Variants in FOXN3 observed in about 807,000 individuals in gnomAD.
FOXN3 encodes forkhead box protein N3.
Under a neutral mutation model 38.4 loss-of-function variants are expected in FOXN3, and 7 were observed. The ratio of observed to expected loss-of-function variants is 0.18; its 90% CI spans 0.10 to 0.34. FOXN3 has a LOEUF of 0.34. FOXN3 is among the 10% of genes least tolerant of loss of function. FOXN3 has a pLI of 1.00. For missense variants in FOXN3, 456 were observed against 613.4 expected (o/e 0.74, Z 2.71); for synonymous variants, 230 against 242.2 (o/e 0.95, Z 0.47).
chr14:89,336,137 T>TACACACACACAC lies in FOXN3; in HGVS notation c.680+14523_680+14534dup, dbSNP rs34950734. ...TTTTGTCTAAAACAGAAGTGATCCTTACACACACACACACACACACACACA... is the reference window on the plus strand; with the variant it reads ...TTTTGTCTAAAACAGAAGTGATCCTTACACACACACACACACACACACACACACACACACACA... On this transcript the variant is annotated intron_variant, in intron 3 of 5. Coordinates refer to ENST00000557258, the MANE Select transcript of FOXN3 (RefSeq NM_005197.4). 6.6e-3 allele frequency among the ~76,000 whole-genome samples: 930 copies of TACACACACACAC among 140,108 alleles called. 7 individuals carry two copies. Among genetic ancestry groups the TACACACACACAC allele is most frequent in the African/African-American group, 0.023 (868 of 38,020 alleles). 91.9% of individuals were successfully genotyped at this position (140,108 alleles called of 152,430 possible). A position where few individuals can be genotyped will look rare whatever the true frequency, so the allele number is the denominator to read the frequency against.
intron 4 of FOXN3, among the ~76,000 whole-genome samples, chr14:89,252,122 G>A (rs1211587722): frequency 6.6e-6 from 1 of 152,138 alleles, no homozygotes; most frequent in East Asian, 1.9e-4. Context: ...ACAAAGTAGT[G>A]ATTCTTATGC....
At chr14:89,505,272 T>C (rs3057955) in intron 1 of FOXN3, among the ~76,000 whole-genome samples, 11 of 136,602 alleles carry the variant, frequency 8.1e-5, no homozygotes, top group African/African-American at 1.7e-4. Context: ...CTCCCTCTCC[T>C]TCTCCCTCCC....
intron 1 of FOXN3, among the ~76,000 whole-genome samples, chr14:89,586,485 C>T (rs931434313): frequency 7.2e-5 from 11 of 152,224 alleles, no homozygotes; most frequent in African/African-American, 2.4e-4. Flanking sequence ...GTGTGAGGTT[C>T]GTGAAGATGT....
chr14:89,256,500 T>C (rs1430564597), intron 4 of FOXN3, among the ~76,000 whole-genome samples: 1 of 152,168 alleles, frequency 6.6e-6, no homozygotes, highest in Non-Finnish European at 1.5e-5. Flanking sequence ...ATATGATTTA[T>C]GAAGATGTTT....
intron 1 of FOXN3, among the ~76,000 whole-genome samples, chr14:89,454,977 T>C (rs775225250): frequency 2.6e-5 from 4 of 152,146 alleles, no homozygotes; most frequent in South Asian, 2.1e-4. Context: ...AGTAATTCCA[T>C]TGGATAAATG....
intron 1 of FOXN3, among the ~76,000 whole-genome samples, chr14:89,424,566 A>C (rs1340347449): frequency 6.6e-6 from 1 of 152,120 alleles, no homozygotes; most frequent in East Asian, 1.9e-4. Flanking sequence ...AAGAGTTCAA[A>C]ATACTCTTGA....
chr14:89,167,398 G>A (rs1294895030), intron 5 of FOXN3, among the ~76,000 whole-genome samples: 2 of 152,174 alleles, frequency 1.3e-5, no homozygotes, highest in Non-Finnish European at 2.9e-5. Context: ...GAGTCTCTCT[G>A]GAACTAATGG....
chr14:89,248,195 A>G (rs1335663839), intron 4 of FOXN3, among the ~76,000 whole-genome samples: 2 of 152,100 alleles, frequency 1.3e-5, no homozygotes, highest in Non-Finnish European at 2.9e-5. Context: ...TTCCCACTAC[A>G]CTATAAAATG....
At chr14:89,552,427 G>C (rs1275835652) in intron 1 of FOXN3, among the ~76,000 whole-genome samples, 1 of 152,210 alleles carries the variant, frequency 6.6e-6, no homozygotes, top group Non-Finnish European at 1.5e-5. Context: ...AATGATTTTA[G>C]TTCGCAATAG....
chr14:89,401,634 T>C (rs12147030), intron 2 of FOXN3: 436,677 of 455,836 alleles, frequency 0.96, 209,890 homozygotes, highest in East Asian at 1. Context: ...CCCTCTACTA[T>C]AGCCACGATT....
At chr14:89,437,361 C>T (rs894640889) in intron 1 of FOXN3, among the ~76,000 whole-genome samples, 1 of 152,128 alleles carries the variant, frequency 6.6e-6, no homozygotes, top group Non-Finnish European at 1.5e-5. Context: ...AGCTCTCTGA[C>T]CTTAACCTGA....
At chr14:89,424,338 C>T (rs1462350326) in intron 1 of FOXN3, among the ~76,000 whole-genome samples, 1 of 152,144 alleles carries the variant, frequency 6.6e-6, no homozygotes, top group African/African-American at 2.4e-5. Flanking sequence ...CAAAGCGCTT[C>T]ACAAAATTAA....
chr14:89,402,179 C>T (rs1050528938), intron 2 of FOXN3, among the ~76,000 whole-genome samples: 54 of 152,224 alleles, frequency 3.5e-4, no homozygotes, highest in African/African-American at 1.3e-3. Flanking sequence ...CTCAATCAAG[C>T]TACCGCTTTT....
rs1006353331 is a variant in FOXN3 at position 89,214,743 on chromosome 14, G to T, written c.746-33937C>A. 2.6e-4 allele frequency among the ~76,000 whole-genome samples: 39 copies of T among 152,162 alleles called. 1 individual carries two copies. On this transcript the variant is annotated intron_variant, in intron 4 of 5. Coordinates refer to ENST00000557258, the MANE Select transcript of FOXN3 (RefSeq NM_005197.4). ...CATATTTTCTGCACTTTGTCAGACT[G>T]TTTTTTTCTCAGCCCAGTGGGGACC... is the stretch of plus-strand genomic sequence containing the variant.
chr14:89,394,774 C>G (rs902373376), intron 2 of FOXN3, among the ~76,000 whole-genome samples: 2 of 152,192 alleles, frequency 1.3e-5, no homozygotes, highest in Non-Finnish European at 2.9e-5. Context: ...GTCCCATTAG[C>G]ATTGGGGAAA....
chr14:89,435,721 T>C (rs944227519), intron 1 of FOXN3, among the ~76,000 whole-genome samples: 3 of 152,228 alleles, frequency 2.0e-5, no homozygotes, highest in African/African-American at 7.2e-5. Context: ...CACAGGGATC[T>C]GATTCCACTG....
At chr14:89,187,680 G>A (rs999105086) in intron 4 of FOXN3, among the ~76,000 whole-genome samples, 9 of 152,206 alleles carry the variant, frequency 5.9e-5, no homozygotes, top group African/African-American at 2.2e-4. Flanking sequence ...GAAAGGTGGC[G>A]GGGGTAGGGG....
intron 1 of FOXN3, among the ~76,000 whole-genome samples, chr14:89,446,190 T>C (rs1463355704): frequency 6.4e-5 from 5 of 78,404 alleles, no homozygotes; most frequent in Non-Finnish European, 1.1e-4. Context: ...TTTTTTTTTT[T>C]TTTTTCTTTT....
intron 1 of FOXN3, among the ~76,000 whole-genome samples, chr14:89,509,649 A>G (rs959179101): frequency 3.3e-5 from 5 of 152,126 alleles, no homozygotes; most frequent in African/African-American, 9.7e-5. Flanking sequence ...CCATCTCCCC[A>G]CTAGGATGCC....
Sources: gnomAD v4.1 joint callset for allele counts (sites outside exome capture counted in the v4.1 genomes callset) on GRCh38, gnomAD v4.1.1 for gene constraint, MANE v1.5 for transcripts, NCBI Gene and HGNC (gene_info 2026-07-23, HGNC 2026-07-21) for gene names.